EPC1: variants seen among roughly 807,000 people sequenced by gnomAD.
EPC1 encodes enhancer of polycomb 1.
Under a neutral mutation model 98.4 loss-of-function variants are expected in EPC1, and 12 were observed. That is an observed-to-expected ratio of 0.12 (90% confidence interval 0.08 to 0.20). EPC1 has a LOEUF of 0.20. EPC1 is among the 10% of genes least tolerant of loss of function. The probability of loss-of-function intolerance (pLI) is 1.00; values close to 1 mark genes in which losing one functional copy is unlikely to be tolerated. For missense variants in EPC1, 729 were observed against 990.5 expected (o/e 0.74, Z 3.54); for synonymous variants, 357 against 363.9 (o/e 0.98, Z 0.21).
At chr10:32,356,828 C>CA (rs2133093474) in intron 1 of EPC1, among the ~76,000 whole-genome samples, 1 of 151,930 alleles carries the variant, frequency 6.6e-6, no homozygotes, top group East Asian at 1.9e-4. Context: ...ACTAAAAATA[C>CA]AAAAAATTAG....
intron 2 of EPC1, among the ~76,000 whole-genome samples, chr10:32,304,033 A>T (rs1797167541): frequency 6.6e-6 from 1 of 152,190 alleles, no homozygotes; most frequent in Admixed American, 6.5e-5. Flanking sequence ...AGTTACCTCA[A>T]ATTTGTACAA....
chr10:32,325,184 C>T (rs1482328271), intron 1 of EPC1, among the ~76,000 whole-genome samples: 1 of 152,104 alleles, frequency 6.6e-6, no homozygotes, highest in Admixed American at 6.6e-5. Context: ...GAAACTTCAA[C>T]TTGTACAAGA....
chr10:32,312,152 C>T (rs1270938688), intron 1 of EPC1, among the ~76,000 whole-genome samples: 1 of 152,082 alleles, frequency 6.6e-6, no homozygotes, highest in Non-Finnish European at 1.5e-5. Flanking sequence ...TGGTGAGTGA[C>T]AAATTCTTAT....
intron 1 of EPC1, among the ~76,000 whole-genome samples, chr10:32,372,472 G>A (rs1226247790): frequency 6.6e-6 from 1 of 152,114 alleles, no homozygotes. Context: ...CCTTCAATAA[G>A]GCCTCACTGA....
intron 1 of EPC1, among the ~76,000 whole-genome samples, chr10:32,346,309 G>A (rs928753170): frequency 1.7e-4 from 26 of 152,256 alleles, no homozygotes; most frequent in Non-Finnish European, 3.1e-4. Context: ...CCCGGGCAGC[G>A]GCGCGCAGGC....
intron 1 of EPC1, among the ~76,000 whole-genome samples, chr10:32,335,896 G>T (rs187694520): frequency 6.6e-6 from 1 of 151,860 alleles, no homozygotes; most frequent in African/African-American, 2.4e-5. Flanking sequence ...CCACCCTCCC[G>T]ACTTGGTTTC....
At chr10:32,295,153 C>T (rs1398346154) in intron 2 of EPC1, among the ~76,000 whole-genome samples, 1 of 152,014 alleles carries the variant, frequency 6.6e-6, no homozygotes, top group Non-Finnish European at 1.5e-5. Context: ...TGTGTGATCT[C>T]TTTAGGGAGA....
At chr10:32,317,856 C>T (rs1836648065) in intron 1 of EPC1, among the ~76,000 whole-genome samples, 1 of 152,086 alleles carries the variant, frequency 6.6e-6, no homozygotes, top group Non-Finnish European at 1.5e-5. Flanking sequence ...AAAAGGAAGA[C>T]CTTTACAGAT....
At chr10:32,355,612 T>G (rs1839249528) in intron 1 of EPC1, among the ~76,000 whole-genome samples, 9 of 918 alleles carry the variant, frequency 9.8e-3, no homozygotes, top group South Asian at 0.17. Flanking sequence ...TTACCCTTTT[T>G]TTTTTTTTTT....
chr10:32,320,632 T>C (rs1466373691), intron 1 of EPC1, among the ~76,000 whole-genome samples: 1 of 152,232 alleles, frequency 6.6e-6, no homozygotes, highest in Non-Finnish European at 1.5e-5. Context: ...TCTTGCTCTG[T>C]TGCCCCTGCT....
At chr10:32,281,575 A>G (rs989672467) in intron 10 of EPC1, 1 of 152,228 alleles carries the variant, frequency 6.6e-6, no homozygotes, top group Non-Finnish European at 1.5e-5. Flanking sequence ...GAGGACCAAC[A>G]CATTCAACTT....
chr10:32,290,505 A>AAAAAAGAAAG (rs1554819136), intron 6 of EPC1, among the ~76,000 whole-genome samples: 23 of 77,514 alleles, frequency 3.0e-4, no homozygotes, highest in African/African-American at 1.3e-3. Context: ...AAAAAAAAAA[A>AAAAAAGAAAG]AAAGAAAGAA....
At chr10:32,303,168 T>C (rs1835673165) in intron 2 of EPC1, among the ~76,000 whole-genome samples, 1 of 152,132 alleles carries the variant, frequency 6.6e-6, no homozygotes, top group Non-Finnish European at 1.5e-5. Context: ...CCATGTGTGG[T>C]GGTGCACACC....
At chr10:32,305,984 A>C in intron 1 of EPC1, 53 bp from the exon 2 acceptor site, 1 of 1,457,022 alleles carries the variant, frequency 6.9e-7, no homozygotes, top group South Asian at 1.6e-5. Flanking sequence ...AGCAGTAAAC[A>C]GATCATATAG....
chr10:32,333,105 G>C (rs1372754468), intron 1 of EPC1, among the ~76,000 whole-genome samples: 3 of 152,172 alleles, frequency 2.0e-5, no homozygotes, highest in Admixed American at 2.0e-4. Context: ...ACTTTTGGGA[G>C]GCCAAGGTGG....
chr10:32,317,091 ACT>A (rs957178801), intron 1 of EPC1, among the ~76,000 whole-genome samples: 3 of 151,640 alleles, frequency 2.0e-5, no homozygotes, highest in African/African-American at 4.8e-5. Flanking sequence ...GTGTTCCCCA[ACT>A]CTGTTTTATT....
chr10:32,309,034 C>T (rs1836040293), intron 1 of EPC1, among the ~76,000 whole-genome samples: 1 of 151,814 alleles, frequency 6.6e-6, no homozygotes, highest in Non-Finnish European at 1.5e-5. Context: ...AAGCCAGGCA[C>T]AGAAAAAAAA....
rs549990023 is a variant in EPC1, at chr10:32,284,330, C to A, written c.1744+368G>T. On this transcript the variant is annotated intron_variant, in intron 10 of 13. Transcript: ENST00000319778. ...TCACTTGCTGGTCTCTATGTTAAAGCAAACTAGGTAAAAACTAGAGAAATA... is the reference window on the plus strand; with the variant it reads ...TCACTTGCTGGTCTCTATGTTAAAGAAAACTAGGTAAAAACTAGAGAAATA... The A allele has an allele frequency of 7.0e-4, 122 of 174,236 alleles. 4 individuals are homozygous for A. The South Asian group carries it at 0.019, about 27-fold the overall frequency. The allele number at this position is 174,236 out of a possible 1,614,324, so 10.8% of individuals were successfully genotyped here.
intron 1 of EPC1, among the ~76,000 whole-genome samples, chr10:32,367,954 A>T (rs966844496): frequency 6.6e-6 from 1 of 152,228 alleles, no homozygotes; most frequent in Non-Finnish European, 1.5e-5. Context: ...AATGTTACAT[A>T]AGCGAATGTC....
Sources: allele counts gnomAD v4.1 joint callset (sites outside exome capture counted in the v4.1 genomes callset), GRCh38; gene constraint gnomAD v4.1.1; transcripts MANE v1.5; gene names NCBI Gene and HGNC (gene_info 2026-07-23, HGNC 2026-07-21).